The following NTN1 variants were observed in gnomAD, a reference collection of about 807,000 sequenced individuals.
The protein encoded by NTN1 is netrin-1.
NTN1 carries 11 observed loss-of-function variants against 54.2 expected under a neutral mutation model. The observed-to-expected ratio is 0.20, with a 90% CI of 0.13 to 0.34. The LOEUF (loss-of-function observed/expected upper bound fraction) is 0.34, where lower values mean the gene tolerates loss of function less well. Ranked by LOEUF, NTN1 falls within the 10% of genes least tolerant of loss-of-function variation. The pLI is 1.00. For missense variants in NTN1, 740 were observed against 893.1 expected (o/e 0.83, Z 2.18); for synonymous variants, 371 against 382.0 (o/e 0.97, Z 0.33).
At chr17:9,154,101 C>T (rs2092335239) in intron 2 of NTN1, among the ~76,000 whole-genome samples, 1 of 152,248 alleles carries the variant, frequency 6.6e-6, no homozygotes, top group Non-Finnish European at 1.5e-5. Flanking sequence ...CTGGTCACTG[C>T]TGCATTTTAT....
intron 5 of NTN1, among the ~76,000 whole-genome samples, chr17:9,215,347 A>T (rs1217781368): frequency 6.6e-6 from 1 of 152,168 alleles, no homozygotes; most frequent in Non-Finnish European, 1.5e-5. Flanking sequence ...TCAAACAGTT[A>T]AAAATAATTT....
chr17:9,221,223 G>A lies in NTN1; in HGVS notation c.1467G>A (p.Lys489=). Residue 489 remains lysine (K), a synonymous_variant, in exon 6 of 7, where the codon AAG becomes AAA. Transcript: ENST00000173229. The surrounding 1 kb of genome is among the most constrained non-coding windows in gnomAD (Gnocchi z 4.5). ...SKGKLKINMK[K]YCKKDYAVQI... is the part of the protein sequence containing the mutation. ...GGAAGCTGAAGATTAACATGAAAAA[G>A]TACTGCAAGAAGGACTATGGTGAGT... 1 of 1,601,650 alleles carries A rather than the reference G, an allele frequency of 6.2e-7. No individual in the cohort carries two copies. Among genetic ancestry groups the A allele is most frequent in the Non-Finnish European group, 8.5e-7 (1 of 1,175,794 alleles).
intron 5 of NTN1, among the ~76,000 whole-genome samples, chr17:9,188,231 C>T (rs1163951017): frequency 6.6e-6 from 1 of 152,090 alleles, no homozygotes; most frequent in Non-Finnish European, 1.5e-5. Flanking sequence ...GAATTCGAGA[C>T]CAGCCTTACC....
At chr17:9,044,805 G>T (rs560246051) in intron 2 of NTN1, among the ~76,000 whole-genome samples, 3 of 152,284 alleles carry the variant, frequency 2.0e-5, no homozygotes, top group Admixed American at 2.0e-4. Flanking sequence ...AAGTGACAAA[G>T]TCATTCAACT....
chr17:9,056,337 G>A (rs1251949821), intron 2 of NTN1, among the ~76,000 whole-genome samples: 1 of 152,232 alleles, frequency 6.6e-6, no homozygotes, highest in Non-Finnish European at 1.5e-5. Context: ...GATTACTGGT[G>A]TGAGCCACTG....
chr17:9,008,442 C>T, the NTN1 span, among the ~76,000 whole-genome samples: 13 of 152,110 alleles, frequency 8.5e-5, no homozygotes, highest in Admixed American at 1.3e-4. Context: ...CCTCAGCCTC[C>T]CCCAGTAGCT....
chr17:9,234,597 C>T (rs188814010), intron 6 of NTN1, among the ~76,000 whole-genome samples: 4 of 152,368 alleles, frequency 2.6e-5, no homozygotes, highest in African/African-American at 4.8e-5. Context: ...TTCCCACATC[C>T]GAACCCTGGT....
At chr17:9,141,800 G>A (rs971302643) in intron 2 of NTN1, among the ~76,000 whole-genome samples, 4 of 152,186 alleles carry the variant, frequency 2.6e-5, no homozygotes, top group African/African-American at 9.7e-5. Context: ...AGTGGCTCAT[G>A]CTTGTAATCC....
At chr17:9,040,931 A>G (rs2091919278) in intron 2 of NTN1, among the ~76,000 whole-genome samples, 1 of 151,416 alleles carries the variant, frequency 6.6e-6, no homozygotes, top group African/African-American at 2.4e-5. Context: ...CCTACCTCAC[A>G]CTCTTGAGTA....
At position 9,088,720 on chromosome 17, in the gene NTN1, G is replaced by C. The variant is rs2092098275; in HGVS notation, c.1018+65329G>C. Among the ~76,000 whole-genome samples, 3 of 152,152 alleles carry C rather than the reference G, an allele frequency of 2.0e-5. No individual in the cohort carries two copies. In the South Asian group the frequency reaches 6.2e-4, roughly 32 times the overall value. The stretch of plus-strand genomic sequence containing the variant: ...TGCAGGTTTTGGGTTTTCAGACAGG[G>C]CTGGCAGCTTGACTGAGCCACAGTA... On this transcript the variant is annotated intron_variant, in intron 2 of 6. Transcript: ENST00000173229.
intron 2 of NTN1, among the ~76,000 whole-genome samples, chr17:9,085,860 C>T (rs1201236502): frequency 2.0e-5 from 3 of 152,130 alleles, no homozygotes; most frequent in Admixed American, 6.5e-5. Context: ...CTCCAGTTCT[C>T]GGAGCTCAGC....
intron 2 of NTN1, among the ~76,000 whole-genome samples, chr17:9,160,225 T>C (rs2092353382): frequency 6.6e-6 from 1 of 152,154 alleles, no homozygotes; most frequent in Non-Finnish European, 1.5e-5. Flanking sequence ...TGCCTCAGCC[T>C]TCCGAGTTGT....
At chr17:9,113,025 T>A (rs1299969296) in intron 2 of NTN1, among the ~76,000 whole-genome samples, 1 of 145,482 alleles carries the variant, frequency 6.9e-6, no homozygotes, top group Non-Finnish European at 1.5e-5. Context: ...CAGAATTTTT[T>A]TTATTTTTAT....
At position 9,240,190 on chromosome 17, in the gene NTN1, G is replaced by A. The variant is rs529122064; in HGVS notation, c.*222G>A. On this transcript the variant is annotated 3_prime_UTR_variant, in exon 7 of 7. Coordinates refer to ENST00000173229, the MANE Select transcript of NTN1 (RefSeq NM_004822.3). ...GGGAGCCGCGTGCACGCGGGGCGGG[G>A]TGCGCCGCCGGCCGGGCCCTGGAGA... is the stretch of plus-strand genomic sequence containing the variant. The A allele has an allele frequency of 5.4e-5, 9 of 167,224 alleles. No homozygotes were observed. The East Asian group carries it at 1.3e-3, about 24-fold the overall frequency. The allele number at this position is 167,224 out of a possible 1,614,324, so 10.4% of individuals were successfully genotyped here.
intron 5 of NTN1, among the ~76,000 whole-genome samples, chr17:9,217,417 CAAG>C (rs1422410513): frequency 6.6e-6 from 1 of 152,104 alleles, no homozygotes; most frequent in African/African-American, 2.4e-5. Context: ...TGGAACAAAA[CAAG>C]GAGGAGCTAC....
At chr17:9,018,049 G>A (rs921616884), upstream of NTN1, among the ~76,000 whole-genome samples, 3 of 152,176 alleles carry the variant, frequency 2.0e-5, no homozygotes, top group South Asian at 2.1e-4. Context: ...TAGGGTTTGG[G>A]CCACCTGCAG....
At position 9,221,120 on chromosome 17, in the gene NTN1, G is replaced by T. The variant is rs758318180; in HGVS notation, c.1412-48G>T. 11 of 1,335,576 alleles carry T rather than the reference G, an allele frequency of 8.2e-6. No homozygotes were observed. The highest frequency in any genetic ancestry group is 1.2e-5 in the Non-Finnish European group (11 of 927,694). 82.7% of individuals were successfully genotyped at this position (1,335,576 alleles called of 1,614,324 possible). ...TACTCTGCCCGCCAGCCTATTCATCGCCAGCCTAATTAGTTTTTGTCTGTG... is the reference window on the plus strand; with the variant it reads ...TACTCTGCCCGCCAGCCTATTCATCTCCAGCCTAATTAGTTTTTGTCTGTG... On this transcript the variant is annotated intron_variant, in intron 5 of 6. Transcript: ENST00000173229. The surrounding 1 kb of genome is among the most constrained non-coding windows in gnomAD (Gnocchi z 4.5).
chr17:9,005,121 C>T, the NTN1 span, among the ~76,000 whole-genome samples: 1 of 152,208 alleles, frequency 6.6e-6, no homozygotes, highest in Non-Finnish European at 1.5e-5. Flanking sequence ...CCCCGCATCT[C>T]TCCACGTCTT....
chr17:9,036,329 G>C (rs2091903387), intron 2 of NTN1, among the ~76,000 whole-genome samples: 1 of 151,908 alleles, frequency 6.6e-6, no homozygotes, highest in Admixed American at 6.6e-5. Context: ...TTGGAATCCA[G>C]GCAGTGCAGC....
Sources: allele counts gnomAD v4.1 joint callset (sites outside exome capture counted in the v4.1 genomes callset), GRCh38; gene constraint gnomAD v4.1.1; non-coding constraint Gnocchi (gnomAD v3.1); transcripts MANE v1.5; gene names NCBI Gene and HGNC (gene_info 2026-07-23, HGNC 2026-07-21).